The following ITGB6 variants were observed in gnomAD, a reference collection of about 807,000 sequenced individuals.
ITGB6 encodes the protein integrin subunit beta 6.
ITGB6 carries 80 observed loss-of-function variants against 84.5 expected under a neutral mutation model. That is an observed-to-expected ratio of 0.95 (90% CI 0.79 to 1.14). The LOEUF is 1.14. Among genes scored for constraint, ITGB6 ranks in the 50% most tolerant of loss-of-function variants. The pLI is 0.00. For missense variants in ITGB6, 1,006 were observed against 968.0 expected (o/e 1.04, Z -0.52); for synonymous variants, 383 against 354.9 (o/e 1.08, Z -0.89).
At chr2:160,170,221 C>T (rs1685151257) in intron 6 of ITGB6, among the ~76,000 whole-genome samples, 1 of 152,158 alleles carries the variant, frequency 6.6e-6, no homozygotes, top group Non-Finnish European at 1.5e-5. Flanking sequence ...CCTGTACACT[C>T]ATATGGAATA....
At chr2:160,135,674 C>A (rs1315445819) in intron 10 of ITGB6, among the ~76,000 whole-genome samples, 1 of 151,348 alleles carries the variant, frequency 6.6e-6, no homozygotes, top group African/African-American at 2.4e-5. Flanking sequence ...CTACAGTAAC[C>A]AAAACAGCAT....
chr2:160,152,400 C>G (rs938000034), intron 7 of ITGB6, among the ~76,000 whole-genome samples: 3 of 152,166 alleles, frequency 2.0e-5, no homozygotes, highest in African/African-American at 7.2e-5. Flanking sequence ...ATTCAACACC[C>G]TTCATGCTAA....
At chr2:160,124,641 CA>C (rs780577444) in intron 11 of ITGB6, among the ~76,000 whole-genome samples, 2 of 152,188 alleles carry the variant, frequency 1.3e-5, no homozygotes, top group African/African-American at 4.8e-5. Flanking sequence ...TCAAAAACTG[CA>C]AAAGTTTTCT....
intron 7 of ITGB6, among the ~76,000 whole-genome samples, chr2:160,160,435 A>G (rs1684774333): frequency 1.3e-5 from 2 of 152,208 alleles, no homozygotes. Context: ...TTGAATTTAT[A>G]AATAATTACC....
chr2:160,172,921 T>G (rs1273034238), intron 5 of ITGB6, among the ~76,000 whole-genome samples, 191 bp from the exon 6 acceptor site: 1 of 152,244 alleles, frequency 6.6e-6, no homozygotes, highest in Non-Finnish European at 1.5e-5. Context: ...ATTTGCTTTT[T>G]CCTGGATAAC....
chr2:160,118,916 T>C (rs1682901280), intron 12 of ITGB6, among the ~76,000 whole-genome samples: 2 of 152,302 alleles, frequency 1.3e-5, no homozygotes, highest in East Asian at 1.9e-4. Context: ...CCATTCACAA[T>C]TGCTTCAAAG....
chr2:160,164,316 C>T (rs1264425188), intron 7 of ITGB6, among the ~76,000 whole-genome samples: 6 of 152,146 alleles, frequency 3.9e-5, no homozygotes, highest in African/African-American at 7.2e-5. Context: ...CAGTCTATAG[C>T]GTCTTAGTTT....
At chr2:160,177,584 G>C (rs1196352459) in intron 4 of ITGB6, among the ~76,000 whole-genome samples, 1 of 149,780 alleles carries the variant, frequency 6.7e-6, no homozygotes, top group Non-Finnish European at 1.5e-5. Context: ...AAAAAAAAAA[G>C]AACCATCCTA....
At chr2:160,134,039 A>G (rs1683591885) in intron 10 of ITGB6, among the ~76,000 whole-genome samples, 1 of 152,234 alleles carries the variant, frequency 6.6e-6, no homozygotes, top group Non-Finnish European at 1.5e-5. Context: ...GCAGAAGGCA[A>G]GAAATAACTA....
At chr2:160,141,938 T>C (rs1684014655) in intron 8 of ITGB6, 44 bp downstream of exon 8, 5 of 1,231,128 alleles carry the variant, frequency 4.1e-6, no homozygotes, top group Non-Finnish European at 5.9e-6. Context: ...AGTTTTTGAA[T>C]ACCAAAGAAA....
intron 12 of ITGB6, among the ~76,000 whole-genome samples, chr2:160,115,714 G>A (rs1253150765): frequency 3.3e-5 from 5 of 152,176 alleles, no homozygotes; most frequent in Non-Finnish European, 7.3e-5. Flanking sequence ...AAACTACTCC[G>A]AGCTACAGGA....
chr2:160,104,352 C>T (rs1462456726), intron 14 of ITGB6, among the ~76,000 whole-genome samples: 1 of 152,192 alleles, frequency 6.6e-6, no homozygotes, highest in Non-Finnish European at 1.5e-5. Context: ...TCCTCTAGTG[C>T]TCTGCTGATT....
chr2:160,126,768 T>C (rs1045148744), intron 10 of ITGB6, among the ~76,000 whole-genome samples, 167 bp from the exon 11 acceptor site: 1 of 152,094 alleles, frequency 6.6e-6, no homozygotes, highest in African/African-American at 2.4e-5. Context: ...GTAGATATAT[T>C]GTATCAAATG....
intron 7 of ITGB6, among the ~76,000 whole-genome samples, chr2:160,164,387 C>T (rs929158319): frequency 2.6e-5 from 4 of 152,124 alleles, no homozygotes; most frequent in African/African-American, 2.4e-5. Context: ...ATTTAGATCT[C>T]GCATTATTGA....
intron 10 of ITGB6, among the ~76,000 whole-genome samples, chr2:160,132,076 A>C (rs1161102842): frequency 6.6e-6 from 1 of 152,102 alleles, no homozygotes; most frequent in Non-Finnish European, 1.5e-5. Flanking sequence ...AGTGTTTTGA[A>C]CATGTATTTT....
At position 160,134,618 on chromosome 2, in the gene ITGB6, A is replaced by G. The variant is rs138073527; in HGVS notation, c.1660+2816T>C. Among the ~76,000 whole-genome samples the G allele has an allele frequency of 4.1e-4, 62 of 152,346 alleles. 1 individual carries two copies. In the East Asian group the frequency reaches 0.011, roughly 27 times the overall value. ...ACACAACTAAAAAAGAGAATTTTAG[A>G]CGAATATCCCTGATGAACATCGGTG... is the stretch of plus-strand genomic sequence containing the variant. On this transcript the variant is annotated intron_variant, in intron 10 of 14. Transcript: ENST00000283249.
chr2:160,112,028 C>G (rs1682540206), intron 13 of ITGB6, 52 bp downstream of exon 13: 2 of 1,569,786 alleles, frequency 1.3e-6, no homozygotes, highest in Non-Finnish European at 1.7e-6. Context: ...GTTGCTTTCT[C>G]TTCTCCTGTG....
At chr2:160,139,926 G>A (rs1002061071) in intron 8 of ITGB6, among the ~76,000 whole-genome samples, 2 of 152,108 alleles carry the variant, frequency 1.3e-5, no homozygotes, top group African/African-American at 4.8e-5. Flanking sequence ...CGGTATTTAA[G>A]GTTTTTTTAA....
At chr2:160,146,244 G>A (rs1045843230) in intron 7 of ITGB6, among the ~76,000 whole-genome samples, 2 of 152,098 alleles carry the variant, frequency 1.3e-5, no homozygotes, top group Non-Finnish European at 2.9e-5. Flanking sequence ...TATTTATGGG[G>A]TACAGTGTGA....
Sources: allele counts gnomAD v4.1 joint callset (sites outside exome capture counted in the v4.1 genomes callset), GRCh38; gene constraint gnomAD v4.1.1; transcripts MANE v1.5; gene names NCBI Gene and HGNC (gene_info 2026-07-23, HGNC 2026-07-21).